TBC1D32: variants seen among roughly 807,000 people sequenced by gnomAD.
The protein encoded by TBC1D32 is protein broad-minded.
In TBC1D32, 151 loss-of-function variants were observed where a neutral mutation model predicts 170.3. That is an observed-to-expected ratio of 0.89 (90% confidence interval 0.78 to 1.01). The LOEUF (loss-of-function observed/expected upper bound fraction) is 1.01. TBC1D32 is among the 50% of genes least tolerant of loss of function. The pLI is 0.00. For missense variants in TBC1D32, 1,464 were observed against 1,457.1 expected, an observed-to-expected ratio of 1.00 and a Z score of -0.08; for synonymous variants, 498 against 488.0, an observed-to-expected ratio of 1.02 and a Z score of -0.27.
chr6:121,225,854 A>G (rs1192906243), intron 20 of TBC1D32, among the ~76,000 whole-genome samples: 1 of 152,128 alleles, frequency 6.6e-6, no homozygotes, highest in Non-Finnish European at 1.5e-5. Context: ...AATATATACA[A>G]TGTAATTATT....
chr6:121,204,965 T>C (rs1792043059), intron 22 of TBC1D32, 110 bp downstream of exon 22: 1 of 578,674 alleles, frequency 1.7e-6, no homozygotes, highest in Non-Finnish European at 2.9e-6. Context: ...CCTTTAAGCA[T>C]GCTTTTAAAT....
chr6:121,099,150 A>C (rs1562475091), intron 30 of TBC1D32, among the ~76,000 whole-genome samples: 1 of 151,958 alleles, frequency 6.6e-6, no homozygotes, highest in Non-Finnish European at 1.5e-5. Context: ...TATCTGTGTT[A>C]GCCTAATTGT....
At chr6:121,122,143 C>G (rs1387269564) in intron 26 of TBC1D32, among the ~76,000 whole-genome samples, 8 of 151,876 alleles carry the variant, frequency 5.3e-5, no homozygotes, top group Non-Finnish European at 1.2e-4. Flanking sequence ...TCTCTCATAC[C>G]CCACATTCAA....
At chr6:121,120,467 G>A (rs983687608) in intron 26 of TBC1D32, among the ~76,000 whole-genome samples, 5 of 151,990 alleles carry the variant, frequency 3.3e-5, no homozygotes, top group Admixed American at 3.3e-4. Flanking sequence ...AGATTATTAT[G>A]CTTAAGTCTA....
Position 121,304,503 on chromosome 6 carries a change from T to C in TBC1D32, c.873+19A>G, listed in dbSNP as rs1807017051. 1 of 1,603,072 alleles carries C rather than the reference T, an allele frequency of 6.2e-7. No individual in the cohort carries two copies. Among genetic ancestry groups the C allele is most frequent in the South Asian group, 1.1e-5 (1 of 89,712 alleles). On this transcript the variant is annotated intron_variant, in intron 7 of 31. Transcript: ENST00000398212. ...AACTAAATAAATAAAAATGAAAGCA[T>C]ATTGTAGTAAATGGATACCTTTTTA...
At position 121,134,788 on chromosome 6, in the gene TBC1D32, C is replaced by A. The variant is rs553255106; in HGVS notation, c.2774-3036G>T. On this transcript the variant is annotated intron_variant, in intron 24 of 31. Transcript: ENST00000398212. Reference sequence around the variant, plus strand: ...TCATTTATCTTCTCCAAATTTGGGACCAACTGAGAAGCCAATAGGTATAGA... The same window carrying A: ...TCATTTATCTTCTCCAAATTTGGGAACAACTGAGAAGCCAATAGGTATAGA... 2.1e-5 allele frequency among the ~76,000 whole-genome samples: 3 copies of A among 144,916 alleles called. No individual in the cohort carries two copies. In the East Asian group the frequency reaches 7.7e-4, roughly 37 times the overall value.
intron 22 of TBC1D32, among the ~76,000 whole-genome samples, chr6:121,201,894 C>T (rs1791613737): frequency 6.6e-6 from 1 of 150,734 alleles, no homozygotes; most frequent in Non-Finnish European, 1.5e-5. Context: ...TTTAAAAAAA[C>T]AGAAAAAAGT....
intron 30 of TBC1D32, among the ~76,000 whole-genome samples, chr6:121,093,632 TA>T (rs1777069733): frequency 6.6e-6 from 1 of 152,148 alleles, no homozygotes; most frequent in Non-Finnish European, 1.5e-5. Context: ...ATGCATTGGT[TA>T]AAGGAAAGTC....
intron 22 of TBC1D32, among the ~76,000 whole-genome samples, chr6:121,161,395 C>T (rs1228254256): frequency 1.3e-5 from 2 of 152,104 alleles, no homozygotes; most frequent in African/African-American, 4.8e-5. Context: ...TTGTTCCCCA[C>T]CATGTGTCCA....
At chr6:121,329,417 G>A (rs981082916) in intron 1 of TBC1D32, among the ~76,000 whole-genome samples, 1 of 152,176 alleles carries the variant, frequency 6.6e-6, no homozygotes, top group Non-Finnish European at 1.5e-5. Context: ...GGAAGGCCAA[G>A]GTGGTGGGCA....
intron 24 of TBC1D32, among the ~76,000 whole-genome samples, chr6:121,134,859 T>A (rs76789521): frequency 6.6e-4 from 100 of 152,216 alleles, no homozygotes; most frequent in African/African-American, 2.4e-3. Context: ...AACAGCTAAA[T>A]TAAGCATCAT....
chr6:121,182,412 A>T (rs1247419743), intron 22 of TBC1D32, among the ~76,000 whole-genome samples: 1 of 152,088 alleles, frequency 6.6e-6, no homozygotes, highest in Non-Finnish European at 1.5e-5. Context: ...ACAAACTCAG[A>T]ATACTAATAA....
chr6:121,292,227 G>C (rs1583603720), intron 11 of TBC1D32, 34 bp from the exon 12 acceptor site: 2 of 1,553,676 alleles, frequency 1.3e-6, no homozygotes, highest in Non-Finnish European at 1.8e-6. Context: ...TATTTATTTA[G>C]TATCATTATA....
chr6:121,081,481 G>A (rs113313332), intron 31 of TBC1D32, among the ~76,000 whole-genome samples: 280 of 152,020 alleles, frequency 1.8e-3, no homozygotes, highest in South Asian at 9.1e-3. Context: ...TACAATCTAC[G>A]CAGTACCTAC....
intron 17 of TBC1D32, among the ~76,000 whole-genome samples, chr6:121,247,921 A>G (rs1269010983): frequency 6.6e-6 from 1 of 152,072 alleles, no homozygotes; most frequent in East Asian, 1.9e-4. Context: ...CAAGACAGAA[A>G]GTCAACAAAG....
At chr6:121,281,521 T>A (rs1455247116) in intron 14 of TBC1D32, 23 bp downstream of exon 14, 3 of 1,589,644 alleles carry the variant, frequency 1.9e-6, no homozygotes, top group Non-Finnish European at 1.7e-6. Flanking sequence ...AGACTCTTTT[T>A]CTCCTTAGTA....
At chr6:121,321,214 A>C (rs1299475457) in intron 2 of TBC1D32, among the ~76,000 whole-genome samples, 3 of 152,172 alleles carry the variant, frequency 2.0e-5, no homozygotes, top group African/African-American at 7.2e-5. Flanking sequence ...CCTAGACCCC[A>C]AAAAAAGTGA....
At chr6:121,261,984 A>C (rs1799826834) in intron 15 of TBC1D32, among the ~76,000 whole-genome samples, 1 of 152,040 alleles carries the variant, frequency 6.6e-6, no homozygotes, top group South Asian at 2.1e-4. Flanking sequence ...AACTCTGTGA[A>C]TCATACACAA....
At chr6:121,129,795 A>C in intron 25 of TBC1D32, 1 of 362,464 alleles carries the variant, frequency 2.8e-6, no homozygotes, top group Non-Finnish European at 5.5e-6. Flanking sequence ...AGGAAAATTA[A>C]GTTTCTCCTT....
Sources: gnomAD v4.1 joint callset for allele counts (sites outside exome capture counted in the v4.1 genomes callset) on GRCh38, gnomAD v4.1.1 for gene constraint, MANE v1.5 for transcripts, NCBI Gene and HGNC (gene_info 2026-07-23, HGNC 2026-07-21) for gene names.